PDE10A: variants seen among roughly 807,000 people sequenced by gnomAD.
PDE10A encodes the protein cAMP and cAMP-inhibited cGMP 3',5'-cyclic phosphodiesterase 10A.
PDE10A carries 39 observed loss-of-function variants against 97.7 expected under a neutral mutation model. The observed-to-expected ratio is 0.40, with a 90% CI of 0.31 to 0.52. PDE10A has a LOEUF of 0.52. Ranked by LOEUF, PDE10A falls within the 20% of genes least tolerant of loss-of-function variation. The probability of loss-of-function intolerance (pLI) is 0.56; values close to 1 mark genes in which losing one functional copy is unlikely to be tolerated. For synonymous variants in PDE10A, 371 were observed against 376.8 expected (o/e 0.98, Z 0.18); for missense variants, 731 against 1,047.8 (o/e 0.70, Z 4.17).
chr6:165,963,265 C>T (rs374856101), intron 1 of PDE10A, among the ~76,000 whole-genome samples: 13 of 152,344 alleles, frequency 8.5e-5, no homozygotes, highest in African/African-American at 2.9e-4. Context: ...CTCAAAATCT[C>T]TGTGAAACAA....
chr6:165,712,298 C>G (rs1330383791), intron 1 of PDE10A, among the ~76,000 whole-genome samples: 1 of 152,098 alleles, frequency 6.6e-6, no homozygotes, highest in Non-Finnish European at 1.5e-5. Flanking sequence ...GCCGAATGCC[C>G]GAAGAGTAGG....
chr6:165,415,621 A>G (rs1290116984), intron 12 of PDE10A, among the ~76,000 whole-genome samples: 2 of 152,328 alleles, frequency 1.3e-5, no homozygotes, highest in South Asian at 2.1e-4. Context: ...TGGGTCAGGT[A>G]AATTTTCCAG....
intron 1 of PDE10A, among the ~76,000 whole-genome samples, chr6:165,641,389 T>A (rs1254569110): frequency 6.6e-6 from 1 of 152,142 alleles, no homozygotes; most frequent in Non-Finnish European, 1.5e-5. Flanking sequence ...CATAAAAAGG[T>A]AAAATATCAG....
chr6:165,514,377 T>C (rs1252236763), intron 2 of PDE10A, among the ~76,000 whole-genome samples: 1 of 152,212 alleles, frequency 6.6e-6, no homozygotes, highest in Non-Finnish European at 1.5e-5. Flanking sequence ...AAGTATTTAA[T>C]AAAATTCACC....
chr6:165,804,656 G>C (rs1188998102), intron 1 of PDE10A, among the ~76,000 whole-genome samples: 3 of 152,134 alleles, frequency 2.0e-5, no homozygotes, highest in Non-Finnish European at 4.4e-5. Flanking sequence ...GCCTGCAGGC[G>C]GGGCTGGTGG....
At chr6:165,905,059 T>C (rs1434498002) in intron 1 of PDE10A, among the ~76,000 whole-genome samples, 3 of 152,224 alleles carry the variant, frequency 2.0e-5, no homozygotes, top group Non-Finnish European at 2.9e-5. Flanking sequence ...TTATTTACTG[T>C]ATACAAGGAA....
chr6:165,973,472 A>G lies in PDE10A; in HGVS notation c.-615+14057T>C, dbSNP rs188730371. 2.8e-3 allele frequency among the ~76,000 whole-genome samples: 424 copies of G among 152,262 alleles called. 4 individuals are homozygous for G. The highest frequency in any genetic ancestry group is 0.022 in the Admixed American group (339 of 15,284). The stretch of plus-strand genomic sequence containing the variant: ...AATTGAGGTCTCTTAGGATCCCTGC[A>G]TATGTTTTGTGAGTGAAAGATAAAA... On this transcript the variant is annotated intron_variant, in intron 1 of 19. Transcript: ENST00000366882.
chr6:165,885,637 G>A (rs1781609483), intron 1 of PDE10A, among the ~76,000 whole-genome samples: 1 of 152,236 alleles, frequency 6.6e-6, no homozygotes, highest in African/African-American at 2.4e-5. Context: ...ACTGAAGACA[G>A]CTCTGCTCAG....
intron 1 of PDE10A, among the ~76,000 whole-genome samples, chr6:165,752,915 G>C (rs935741927): frequency 6.6e-6 from 1 of 152,192 alleles, no homozygotes; most frequent in Non-Finnish European, 1.5e-5. Flanking sequence ...TTTACCTGCA[G>C]AAACTTGTCC....
intron 1 of PDE10A, among the ~76,000 whole-genome samples, chr6:165,753,616 T>C (rs1345751840): frequency 6.6e-6 from 1 of 152,252 alleles, no homozygotes; most frequent in Non-Finnish European, 1.5e-5. Context: ...TAGGGTTTTT[T>C]TTCCCACCAC....
chr6:165,941,847 C>G (rs1693561676), intron 1 of PDE10A, among the ~76,000 whole-genome samples: 1 of 152,136 alleles, frequency 6.6e-6, no homozygotes, highest in Non-Finnish European at 1.5e-5. Flanking sequence ...GAAGAGTGGC[C>G]TAATGCACCA....
At chr6:165,458,448 C>T (rs1196423316) in intron 3 of PDE10A, among the ~76,000 whole-genome samples, 1 of 152,046 alleles carries the variant, frequency 6.6e-6, no homozygotes, top group African/African-American at 2.4e-5. Context: ...GAAGAGGGTC[C>T]TCAGCAGACC....
At chr6:165,831,245 G>A (rs1431815228) in intron 1 of PDE10A, among the ~76,000 whole-genome samples, 1 of 151,214 alleles carries the variant, frequency 6.6e-6, no homozygotes, top group South Asian at 2.1e-4. Flanking sequence ...GGTGGTAGGC[G>A]CCTGCAGTCC....
Position 165,546,754 on chromosome 6 carries a change from G to C in PDE10A, c.866-3186C>G. 1.3e-5 allele frequency among the ~76,000 whole-genome samples: 2 copies of C among 152,028 alleles called. 1 individual carries two copies. The highest frequency in any genetic ancestry group is 2.9e-5 in the Non-Finnish European group (2 of 67,910). ...GTGAGATGTTACAGATAAACAAAAG[G>C]AAGAGTTCAGAATGATCCATGTGGT... On this transcript the variant is annotated intron_variant, in intron 1 of 21. Coordinates refer to ENST00000539869, the MANE Select transcript of PDE10A (RefSeq NM_001385079.1).
intron 1 of PDE10A, among the ~76,000 whole-genome samples, chr6:165,574,226 G>T (rs1018436356): frequency 8.6e-5 from 13 of 151,672 alleles, no homozygotes; most frequent in African/African-American, 3.1e-4. Flanking sequence ...TGTCAAAGTT[G>T]TAGTCCAGAA....
chr6:165,837,422 TTTC>T (rs1780093387), intron 1 of PDE10A, among the ~76,000 whole-genome samples: 3 of 152,204 alleles, frequency 2.0e-5, no homozygotes, highest in Admixed American at 2.0e-4. Context: ...ATTTATTAAT[TTTC>T]TTCCTTTCTC....
At chr6:165,902,878 G>A (rs1366371224) in intron 1 of PDE10A, among the ~76,000 whole-genome samples, 2 of 152,226 alleles carry the variant, frequency 1.3e-5, no homozygotes, top group East Asian at 3.8e-4. Flanking sequence ...GGTACGTGAA[G>A]GAAAGCTGCC....
At chr6:165,637,467 G>A (rs1272597177) in intron 1 of PDE10A, among the ~76,000 whole-genome samples, 1 of 152,100 alleles carries the variant, frequency 6.6e-6, no homozygotes, top group African/African-American at 2.4e-5. Flanking sequence ...ATGGCGGACG[G>A]GTAACACACA....
At chr6:165,760,269 C>T (rs1793218552) in intron 1 of PDE10A, among the ~76,000 whole-genome samples, 1 of 152,160 alleles carries the variant, frequency 6.6e-6, no homozygotes, top group East Asian at 1.9e-4. Context: ...CACTATCTGG[C>T]AAGCCTAGAA....
Sources: allele counts gnomAD v4.1 joint callset (sites outside exome capture counted in the v4.1 genomes callset), GRCh38; gene constraint gnomAD v4.1.1; transcripts MANE v1.5; gene names NCBI Gene and HGNC (gene_info 2026-07-23, HGNC 2026-07-21).